Variants in OPRM1 observed in about 807,000 individuals in gnomAD.
The protein encoded by OPRM1 is mu-type opioid receptor.
In OPRM1, 27 loss-of-function variants were observed where a neutral mutation model predicts 31.8. The ratio of observed to expected loss-of-function variants is 0.85; its 90% CI spans 0.63 to 1.17. The LOEUF (loss-of-function observed/expected upper bound fraction) is 1.17, where lower values mean the gene tolerates loss of function less well. Ranked by LOEUF, OPRM1 falls within the 50% of genes most tolerant of loss-of-function variation. The pLI is 0.00. For synonymous variants in OPRM1, 196 were observed against 189.9 expected (o/e 1.03, Z -0.26); for missense variants, 536 against 511.1 (o/e 1.05, Z -0.47).
At chr6:154,027,520 A>G (rs1185980888) in intron 1 of OPRM1, among the ~76,000 whole-genome samples, 1 of 152,176 alleles carries the variant, frequency 6.6e-6, no homozygotes, top group African/African-American at 2.4e-5. Flanking sequence ...CTCTTCAATC[A>G]GCAGGTGGCA....
intron 1 of OPRM1, among the ~76,000 whole-genome samples, chr6:154,043,190 T>C (rs1780425381): frequency 1.3e-5 from 2 of 152,176 alleles, no homozygotes; most frequent in Non-Finnish European, 2.9e-5. Context: ...CCAGTAAATT[T>C]CCAATGAAGA....
intron 2 of OPRM1, 109 bp from the exon 3 acceptor site, chr6:154,090,843 A>C: frequency 2.1e-6 from 2 of 933,976 alleles, no homozygotes; most frequent in Non-Finnish European, 1.6e-6. Flanking sequence ...TATAGCCTTA[A>C]GTTAGCTCTG....
chr6:154,091,047 G>C lies in OPRM1; in HGVS notation c.739G>C (p.Val247Leu). Residue 247 changes from valine (V) to leucine (L), a missense_variant, in exon 3 of 4, where the codon GTG (valine) becomes CTG (leucine). Val to Leu is a conservative substitution (Grantham distance 32). Transcript: ENST00000330432. ...TTTCATCTTCGCCTTCATTATGCCAGTGCTCATCATTACCGTGTGCTATGG... is the reference window on the plus strand; with the variant it reads ...TTTCATCTTCGCCTTCATTATGCCACTGCTCATCATTACCGTGTGCTATGG... ...CVFIFAFIMP[V>L]LIITVCYGLM... 6.2e-7 allele frequency: 1 copy of C among 1,614,138 alleles called. No homozygotes were observed. Among genetic ancestry groups the C allele is most frequent in the Non-Finnish European group, 8.5e-7 (1 of 1,180,030 alleles).
intron 1 of OPRM1, among the ~76,000 whole-genome samples, chr6:154,031,195 T>C (rs1778988262): frequency 6.6e-6 from 1 of 152,198 alleles, no homozygotes; most frequent in Admixed American, 6.5e-5. Flanking sequence ...TATAAAATAT[T>C]GGTATTTGGA....
chr6:154,227,204 A>G (rs768073059), intron 3 of OPRM1, among the ~76,000 whole-genome samples: 21 of 152,128 alleles, frequency 1.4e-4, no homozygotes, highest in Middle Eastern at 6.9e-3. Context: ...ATTCTGTCTC[A>G]AAACAAACAA....
intron 3 of OPRM1, among the ~76,000 whole-genome samples, chr6:154,234,586 G>A (rs1779971356): frequency 6.6e-6 from 1 of 152,162 alleles, no homozygotes; most frequent in African/African-American, 2.4e-5. Context: ...CCAAGGATAT[G>A]GCTCTCTCAC....
At chr6:154,173,465 A>C (rs1237475716) in intron 3 of OPRM1, among the ~76,000 whole-genome samples, 2 of 152,220 alleles carry the variant, frequency 1.3e-5, no homozygotes, top group Non-Finnish European at 2.9e-5. Context: ...GCCAGTGTAG[A>C]GAAGAGTTTA....
At chr6:154,047,593 C>T (rs1286837162) in intron 1 of OPRM1, among the ~76,000 whole-genome samples, 5 of 152,200 alleles carry the variant, frequency 3.3e-5, no homozygotes, top group African/African-American at 7.2e-5. Context: ...ATCAAGTGAA[C>T]TTTCGTAAAC....
chr6:154,200,185 T>A (rs1657179762), intron 3 of OPRM1: 1 of 733,486 alleles, frequency 1.4e-6, no homozygotes, highest in Non-Finnish European at 2.1e-6. Flanking sequence ...AAAGATATGA[T>A]ATTTATTTCT....
chr6:154,221,656 G>A (rs528275862), intron 3 of OPRM1, among the ~76,000 whole-genome samples: 1 of 152,072 alleles, frequency 6.6e-6, no homozygotes, highest in South Asian at 2.1e-4. Context: ...GGCAGATCAC[G>A]AGGTCAGGAG....
At chr6:154,108,051 T>A (rs575910088) in intron 3 of OPRM1, 2 of 664,518 alleles carry the variant, frequency 3.0e-6, no homozygotes, top group South Asian at 3.6e-5. Context: ...GGTAAGAAAT[T>A]GTTACCCTTT....
At chr6:154,104,429 T>C (rs1795296339) in intron 3 of OPRM1, among the ~76,000 whole-genome samples, 1 of 152,220 alleles carries the variant, frequency 6.6e-6, no homozygotes, top group African/African-American at 2.4e-5. Flanking sequence ...TAAGCTGATA[T>C]GGGGTTGTTA....
intron 3 of OPRM1, among the ~76,000 whole-genome samples, chr6:154,191,849 T>C (rs1191516745): frequency 6.6e-6 from 1 of 152,236 alleles, no homozygotes; most frequent in Non-Finnish European, 1.5e-5. Context: ...AGGGGGTATA[T>C]GTAAACTCTG....
At chr6:154,215,803 T>C (rs538410788) in intron 3 of OPRM1, among the ~76,000 whole-genome samples, 5 of 152,006 alleles carry the variant, frequency 3.3e-5, no homozygotes, top group Admixed American at 2.0e-4. Flanking sequence ...CAAGTCTCAA[T>C]AGGATAACAG....
exon 1 of OPRM1, chr6:154,010,642 C>T: frequency 6.7e-7 from 1 of 1,492,854 alleles, no homozygotes; most frequent in Non-Finnish European, 9.0e-7. Flanking sequence ...AAGTTTGCAT[C>T]CTGAAAACTC....
Position 154,123,150 on chromosome 6 carries a change from C to T in OPRM1, c.*4429C>T, listed in dbSNP as rs1001996639. Among the ~76,000 whole-genome samples, 2 of 152,174 alleles carry T rather than the reference C, an allele frequency of 1.3e-5. No homozygotes were observed. Among genetic ancestry groups the T allele is most frequent in the Admixed American group, 1.3e-4 (2 of 15,272 alleles). On this transcript the variant is annotated 3_prime_UTR_variant, in exon 4 of 4. Coordinates refer to ENST00000330432, the MANE Select transcript of OPRM1 (RefSeq NM_000914.5). ...ATCTCTGCAGCTATTTGAGTAACTT[C>T]TCTTATCTGAAAAGCTGTCTGTACA...
chr6:154,075,433 T>C (rs1787658041), intron 1 of OPRM1, among the ~76,000 whole-genome samples: 1 of 150,162 alleles, frequency 6.7e-6, no homozygotes, highest in Non-Finnish European at 1.5e-5. Flanking sequence ...GTTTTTTATA[T>C]AACCAACTAA....
At chr6:154,151,177 G>A (rs1317094889) in intron 3 of OPRM1, among the ~76,000 whole-genome samples, 2 of 152,160 alleles carry the variant, frequency 1.3e-5, no homozygotes, top group African/African-American at 4.8e-5. Context: ...CGGTATCCTG[G>A]GTCCTTTCCA....
intron 1 of OPRM1, among the ~76,000 whole-genome samples, chr6:154,018,505 C>CTTTTTTT (rs747320275): frequency 7.1e-5 from 10 of 141,220 alleles, no homozygotes; most frequent in Non-Finnish European, 9.2e-5. Flanking sequence ...CCCGTTAATT[C>CTTTTTTT]TTTTTTTTTT....
Sources: gnomAD v4.1 joint callset for allele counts (sites outside exome capture counted in the v4.1 genomes callset) on GRCh38, gnomAD v4.1.1 for gene constraint, MANE v1.5 for transcripts, NCBI Gene and HGNC (gene_info 2026-07-23, HGNC 2026-07-21) for gene names.